The following VPS13C variants were observed in gnomAD, a reference collection of about 807,000 sequenced individuals.
The protein encoded by VPS13C is vacuolar protein sorting 13 homolog C.
In VPS13C, 358 loss-of-function variants were observed where a neutral mutation model predicts 456.8. The observed-to-expected ratio is 0.78, with a 90% CI of 0.72 to 0.86. VPS13C has a LOEUF of 0.86. VPS13C is among the 40% of genes least tolerant of loss of function. The pLI is 0.00. For synonymous variants in VPS13C, 1,578 were observed against 1,486.7 expected (o/e 1.06, Z -1.41); for missense variants, 4,818 against 4,385.4 (o/e 1.10, Z -2.79).
chr15:61,999,513 G>A (rs934034520), intron 16 of VPS13C, among the ~76,000 whole-genome samples: 2 of 152,148 alleles, frequency 1.3e-5, no homozygotes, highest in African/African-American at 2.4e-5. Context: ...TTAAAAGTAT[G>A]AGTAAGTACA....
intron 66 of VPS13C, among the ~76,000 whole-genome samples, chr15:61,892,176 A>G (rs1324586562): frequency 6.6e-6 from 1 of 152,224 alleles, no homozygotes; most frequent in Non-Finnish European, 1.5e-5. Context: ...GGCTACAGAC[A>G]AAGAGGAGAA....
intron 22 of VPS13C, among the ~76,000 whole-genome samples, chr15:61,979,036 G>A (rs2045794898): frequency 6.6e-6 from 1 of 152,048 alleles, no homozygotes; most frequent in South Asian, 2.1e-4. Flanking sequence ...TCCTCTTCCT[G>A]GCTCTCAGGA....
chr15:61,974,956 T>C lies in VPS13C; in HGVS notation c.2409-539A>G, dbSNP rs192210296. On this transcript the variant is annotated intron_variant, in intron 24 of 84. Coordinates refer to ENST00000644861, the MANE Select transcript of VPS13C (RefSeq NM_020821.3). Reference sequence around the variant, plus strand: ...CTTTTTGGCAGGTGCTTCTATTCTGTTTCCCTACTCAATGTAATTGCCTCA... The same window carrying C: ...CTTTTTGGCAGGTGCTTCTATTCTGCTTCCCTACTCAATGTAATTGCCTCA... Among the ~76,000 whole-genome samples the C allele has an allele frequency of 4.0e-3, 610 of 152,270 alleles. 1 individual carries two copies. The highest frequency in any genetic ancestry group is 6.1e-3 in the Non-Finnish European group (418 of 67,988).
rs753254017 is a variant in VPS13C, at chr15:61,982,510, T to C, written c.1978A>G (p.Thr660Ala). Residue 660 changes from threonine to alanine, a missense_variant, in exon 21 of 85, where the codon ACA (threonine) becomes GCA (alanine). Thr to Ala is a moderately conservative substitution (Grantham distance 58, BLOSUM62 0). Around this residue, in one of 3 missense-constraint regions of VPS13C, gnomAD observed 4,552 missense variants for 4,130.6 expected, o/e 1.10. Transcript: ENST00000644861. The stretch of plus-strand genomic sequence containing the variant: ...TCCAGCTTCATCAATGTTGCTGATG[T>C]TATTTGCTCAAGATCCAATCCCTTA... ...SNKGLDLEQITSATLMKLEEI... is the reference protein window; with the variant it reads ...SNKGLDLEQIASATLMKLEEI... 6.2e-7 allele frequency: 1 copy of C among 1,610,480 alleles called. No homozygotes were observed. Among genetic ancestry groups the C allele is most frequent in the Admixed American group, 1.7e-5 (1 of 59,790 alleles).
In VPS13C at chr15:61,925,534, A is replaced by C. The variant is rs767222700; in HGVS notation, c.6531T>G (p.Cys2177Trp). ...ACGTACATTTTTCCATAAATAAAGA[A>C]CAGGGCTGCAAGACCTATAAACAGA... is the stretch of plus-strand genomic sequence containing the variant. ...GKNITTVLQP[C>W]SLFMEKCTWA... The change falls in exon 53 of 85, where the codon TGT (cysteine) becomes TGG (tryptophan). Residue 2177 changes from cysteine to tryptophan, a missense_variant. Around this residue, in one of 3 missense-constraint regions of VPS13C, gnomAD observed 4,552 missense variants for 4,130.6 expected, o/e 1.10. Transcript: ENST00000644861. 6.2e-7 allele frequency: 1 copy of C among 1,602,962 alleles called. No individual in the cohort carries two copies.
intron 49 of VPS13C, among the ~76,000 whole-genome samples, chr15:61,932,906 A>G (rs1195023214): frequency 6.6e-6 from 1 of 152,224 alleles, no homozygotes; most frequent in African/African-American, 2.4e-5. Context: ...ATTTCTTTCC[A>G]TAATATGAAA....
intron 14 of VPS13C, 41 bp downstream of exon 14, chr15:62,008,613 AT>A: frequency 1.4e-6 from 2 of 1,427,984 alleles, no homozygotes; most frequent in Non-Finnish European, 9.6e-7. Flanking sequence ...TAAATATATG[AT>A]TATATGTTCC....
chr15:61,995,558 T>A (rs1196986158), intron 16 of VPS13C, among the ~76,000 whole-genome samples: 1 of 152,208 alleles, frequency 6.6e-6, no homozygotes, highest in Non-Finnish European at 1.5e-5. Context: ...GTTTCTCTCT[T>A]CTTTTGAAGA....
chr15:62,059,733 C>G (rs1294547948), intron 1 of VPS13C, among the ~76,000 whole-genome samples: 2 of 152,180 alleles, frequency 1.3e-5, no homozygotes, highest in Non-Finnish European at 2.9e-5. Context: ...CCTAAGCACA[C>G]GCCTATCTTA....
intron 13 of VPS13C, among the ~76,000 whole-genome samples, chr15:62,009,981 A>G (rs773048015): frequency 3.1e-4 from 47 of 152,064 alleles, no homozygotes; most frequent in Non-Finnish European, 6.0e-4. Context: ...AGGTCAGGAG[A>G]TCGAGACCAC....
At chr15:61,964,641 T>C in intron 31 of VPS13C, 58 bp downstream of exon 31, 1 of 1,481,046 alleles carries the variant, frequency 6.8e-7, no homozygotes, top group South Asian at 1.3e-5. Flanking sequence ...GTATTCCTCA[T>C]TTAGCTTTAG....
chr15:61,934,332 C>A lies in VPS13C; in HGVS notation c.5756-1G>T. 6.7e-7 allele frequency: 1 copy of A among 1,498,198 alleles called. No individual in the cohort carries two copies. The highest frequency in any genetic ancestry group is 8.9e-7 in the Non-Finnish European group (1 of 1,122,912). 92.8% of individuals were successfully genotyped at this position (1,498,198 alleles called of 1,614,324 possible). ...TTTGAGTCTGTCCAATCTTCTTGTTCTAATGGTGAAAATTTAAAAGCTTTT... is the reference window on the plus strand; with the variant it reads ...TTTGAGTCTGTCCAATCTTCTTGTTATAATGGTGAAAATTTAAAAGCTTTT... On this transcript the variant is annotated splice_acceptor_variant, in intron 48 of 84. Transcript: ENST00000644861. LOFTEE classifies it high-confidence loss of function.
intron 15 of VPS13C, among the ~76,000 whole-genome samples, chr15:62,003,926 A>G (rs1249543826): frequency 5.4e-5 from 8 of 148,034 alleles, no homozygotes; most frequent in East Asian, 2.0e-4. Flanking sequence ...GTTTGCCAGT[A>G]TTTTATTGAG....
chr15:61,932,361 T>C (rs1292767129), intron 49 of VPS13C, among the ~76,000 whole-genome samples: 2 of 152,192 alleles, frequency 1.3e-5, no homozygotes, highest in East Asian at 3.9e-4. Context: ...GCTTGGATAC[T>C]CCGATTAAAG....
At chr15:62,020,956 T>TA (rs546025498) in intron 8 of VPS13C, among the ~76,000 whole-genome samples, 129 of 152,074 alleles carry the variant, frequency 8.5e-4, no homozygotes, top group African/African-American at 2.9e-3. Context: ...TATTCAGCCA[T>TA]AAAAAAGGAA....
intron 15 of VPS13C, among the ~76,000 whole-genome samples, chr15:62,001,191 G>C (rs1217462402): frequency 1.3e-5 from 2 of 152,192 alleles, no homozygotes; most frequent in African/African-American, 4.8e-5. Flanking sequence ...CACTCTGTAA[G>C]ACAGATATTG....
chr15:61,975,017 C>G (rs939451582), intron 24 of VPS13C, among the ~76,000 whole-genome samples: 1 of 152,080 alleles, frequency 6.6e-6, no homozygotes, highest in African/African-American at 2.4e-5. Flanking sequence ...GGCAGCTAGT[C>G]ATAAAGCTCT....
chr15:61,898,272 T>C (rs991627374), intron 66 of VPS13C, among the ~76,000 whole-genome samples: 1 of 151,912 alleles, frequency 6.6e-6, no homozygotes, highest in Non-Finnish European at 1.5e-5. Context: ...TAAATGTAAA[T>C]GGACTAAATG....
Position 61,867,301 on chromosome 15 carries a change from T to C in VPS13C, c.10863+1358A>G. 3 of 984,868 alleles carry C rather than the reference T, an allele frequency of 3.0e-6. No individual in the cohort carries two copies. Among genetic ancestry groups the C allele is most frequent in the Non-Finnish European group, 3.6e-6 (3 of 829,464 alleles). 61.0% of individuals were successfully genotyped at this position (984,868 alleles called of 1,614,324 possible). A position where few individuals can be genotyped will look rare whatever the true frequency, so the allele number is the denominator to read the frequency against. On this transcript the variant is annotated intron_variant, in intron 81 of 84. Transcript: ENST00000644861. This position sits in a 1 kb window ranked among gnomAD's most constrained non-coding sequence, Gnocchi z 5.0. Reference sequence around the variant, plus strand: ...ATATAACATAATTATAAAATGGCTATCATTTATTTAGCAACAGTACCAAGG... The same window carrying C: ...ATATAACATAATTATAAAATGGCTACCATTTATTTAGCAACAGTACCAAGG...
Sources: allele counts gnomAD v4.1 joint callset (sites outside exome capture counted in the v4.1 genomes callset), GRCh38; gene constraint gnomAD v4.1.1; regional missense constraint gnomAD v4.1.1; non-coding constraint Gnocchi (gnomAD v3.1); transcripts MANE v1.5; gene names NCBI Gene and HGNC (gene_info 2026-07-23, HGNC 2026-07-21).